The following KEL variants were observed in gnomAD, a reference collection of about 807,000 sequenced individuals.
KEL encodes Kell metallo-endopeptidase (Kell blood group).
KEL carries 96 observed loss-of-function variants against 99.5 expected under a neutral mutation model. The observed-to-expected ratio is 0.97, with a 90% CI of 0.82 to 1.14. The LOEUF is 1.14. Ranked by LOEUF, KEL falls within the 50% of genes most tolerant of loss-of-function variation. The probability of loss-of-function intolerance (pLI) is 0.00; values close to 1 mark genes in which losing one functional copy is unlikely to be tolerated. For synonymous variants in KEL, 355 were observed against 354.8 expected, an observed-to-expected ratio of 1.00 and a Z score of -0.01; for missense variants, 926 against 924.2, an observed-to-expected ratio of 1.00 and a Z score of -0.03.
intron 6 of KEL, among the ~76,000 whole-genome samples, chr7:142,955,996 C>G (rs553115950): frequency 2.1e-4 from 32 of 152,208 alleles, no homozygotes; most frequent in African/African-American, 7.2e-4. Flanking sequence ...GTCTAGCTCC[C>G]ATCTCTCCAA....
At chr7:142,959,966 A>C (rs1796914745) in intron 4 of KEL, among the ~76,000 whole-genome samples, 1 of 152,114 alleles carries the variant, frequency 6.6e-6, no homozygotes, top group South Asian at 2.1e-4. Context: ...GTTCCCTTGC[A>C]CTGGAAATGC....
intron 4 of KEL, among the ~76,000 whole-genome samples, chr7:142,960,504 G>A (rs1796929958): frequency 6.6e-6 from 1 of 152,222 alleles, no homozygotes; most frequent in African/African-American, 2.4e-5. Flanking sequence ...AGGAGATGCT[G>A]AAGAGATGCT....
At chr7:142,948,774 G>A (rs1796598362) in intron 10 of KEL, among the ~76,000 whole-genome samples, 1 of 152,138 alleles carries the variant, frequency 6.6e-6, no homozygotes, top group South Asian at 2.1e-4. Flanking sequence ...GAACAGCAGT[G>A]CAACATCAGA....
In KEL at chr7:142,958,078, G is replaced by A. The variant is rs144688279; in HGVS notation, c.526-105C>T. 292 of 1,430,632 alleles carry A rather than the reference G, an allele frequency of 2.0e-4. 2 individuals carry two copies. In the African/African-American group the frequency reaches 3.4e-3, roughly 17 times the overall value. The allele number at this position is 1,430,632 out of a possible 1,614,324, so 88.6% of individuals were successfully genotyped here. A position where few individuals can be genotyped will look rare whatever the true frequency, so the allele number is the denominator to read the frequency against. On this transcript the variant is annotated intron_variant, in intron 5 of 18. Coordinates refer to ENST00000355265, the MANE Select transcript of KEL (RefSeq NM_000420.3). The stretch of plus-strand genomic sequence containing the variant: ...TGCTACTGCCTGACCTCTGCCCTGC[G>A]CCCTTCGATTCCTCTAGGAAGCCAC...
intron 18 of KEL, 115 bp from the exon 19 acceptor site, chr7:142,941,528 C>A: frequency 2.1e-6 from 2 of 942,610 alleles, no homozygotes; most frequent in East Asian, 2.4e-5. Flanking sequence ...TCAAGTGCCC[C>A]AAGGGCCACA....
At chr7:142,952,363 T>G in intron 10 of KEL, 146 bp downstream of exon 10, 1 of 1,035,462 alleles carries the variant, frequency 9.7e-7, no homozygotes, top group South Asian at 1.3e-5. Flanking sequence ...TCTGTCCAAC[T>G]TGCCTGCTTC....
rs551168561 is a variant in KEL at position 142,961,204 on chromosome 7, G to C, written c.224-100C>G. 1.1e-4 allele frequency: 167 copies of C among 1,517,164 alleles called. 2 individuals carry two copies. In the South Asian group the frequency reaches 1.3e-3, roughly 11 times the overall value. 94.0% of individuals were successfully genotyped at this position (1,517,164 alleles called of 1,614,324 possible). A position where few individuals can be genotyped will look rare whatever the true frequency, so the allele number is the denominator to read the frequency against. On this transcript the variant is annotated intron_variant, in intron 3 of 18. Coordinates refer to ENST00000355265, the MANE Select transcript of KEL (RefSeq NM_000420.3). ...CATCAGGTGAGTAACTAAGTGGGGA[G>C]CTGATGAAAAAGAAATGGTTAGGAT... is the stretch of plus-strand genomic sequence containing the variant.
chr7:142,942,552 G>A (rs1322660217), intron 17 of KEL, 23 bp from the exon 18 acceptor site: 3 of 1,547,124 alleles, frequency 1.9e-6, no homozygotes, highest in Admixed American at 3.6e-5. Context: ...GGGTAGAGAA[G>A]GGCCATCAGG....
intron 18 of KEL, chr7:142,942,001 G>C (rs568554476): frequency 5.4e-6 from 1 of 183,974 alleles, no homozygotes; most frequent in African/African-American, 2.4e-5. Flanking sequence ...TAGAGACGGG[G>C]TTTCACCATA....
chr7:142,943,884 C>T lies in KEL; in HGVS notation c.1492-1G>A. 6.2e-7 allele frequency: 1 copy of T among 1,613,646 alleles called. No homozygotes were observed. Among genetic ancestry groups the T allele is most frequent in the Non-Finnish European group, 8.5e-7 (1 of 1,179,656 alleles). ...GCAGGAAGCTCGATCCAAGCTGTAT[C>T]TGGGGAAGAGGCAGGAGGTGACTTG... is the stretch of plus-strand genomic sequence containing the variant. On this transcript the variant is annotated splice_acceptor_variant, in intron 13 of 18. Transcript: ENST00000355265. LOFTEE classifies it high-confidence loss of function.
chr7:142,942,716 G>A (rs962913750), intron 17 of KEL, among the ~76,000 whole-genome samples, 159 bp downstream of exon 17: 3 of 152,226 alleles, frequency 2.0e-5, no homozygotes, highest in Non-Finnish European at 1.5e-5. Flanking sequence ...GATCTCTGGG[G>A]TAGGAGGGGG....
intron 6 of KEL, among the ~76,000 whole-genome samples, chr7:142,954,949 C>A (rs1033676152): frequency 6.6e-6 from 1 of 152,270 alleles, no homozygotes. Context: ...TCCATCTCAG[C>A]CAGCCATACC....
At chr7:142,949,784 A>C (rs149810320) in intron 10 of KEL, among the ~76,000 whole-genome samples, 1 of 152,372 alleles carries the variant, frequency 6.6e-6, no homozygotes, top group East Asian at 1.9e-4. Flanking sequence ...AAGCTGGAAG[A>C]CCTGAATAAA....
At chr7:142,946,067 C>T (rs1249874385) in intron 11 of KEL, 140 bp downstream of exon 11, 4 of 678,970 alleles carry the variant, frequency 5.9e-6, no homozygotes, top group Non-Finnish European at 1.1e-5. Flanking sequence ...CTTTGGGTTC[C>T]CTCTCTCAGT....
Position 142,962,213 on chromosome 7 carries a change from A to T in KEL, c.-7T>A. On this transcript the variant is annotated 5_prime_UTR_variant, in exon 1 of 19. Transcript: ENST00000355265. ...CCAAAAGGGGACTTACCATCTGTCTATCTTCTGTGGCTCCAGAATCCTTCC... is the reference window on the plus strand; with the variant it reads ...CCAAAAGGGGACTTACCATCTGTCTTTCTTCTGTGGCTCCAGAATCCTTCC... 1.2e-6 allele frequency: 2 copies of T among 1,613,958 alleles called. No individual in the cohort carries two copies. Among genetic ancestry groups the T allele is most frequent in the Non-Finnish European group, 1.7e-6 (2 of 1,179,972 alleles).
intron 14 of KEL, 86 bp from the exon 15 acceptor site, chr7:142,943,682 T>C (rs1193065388): frequency 2.1e-6 from 3 of 1,428,012 alleles, no homozygotes; most frequent in East Asian, 4.6e-5. Flanking sequence ...CCAACTACCA[T>C]TACTGTTCAT....
chr7:142,950,115 T>G (rs1407574291), intron 10 of KEL, among the ~76,000 whole-genome samples: 1 of 152,210 alleles, frequency 6.6e-6, no homozygotes, highest in Non-Finnish European at 1.5e-5. Flanking sequence ...ATGTCTTTGA[T>G]TCCATTCTCC....
At chr7:142,954,129 T>A in intron 8 of KEL, 55 bp downstream of exon 8, 1 of 1,533,038 alleles carries the variant, frequency 6.5e-7, no homozygotes, top group Non-Finnish European at 8.9e-7. Flanking sequence ...AAGGAGGTAA[T>A]GTTTGAGAGG....
chr7:142,952,853 A>T (rs1369266308), intron 9 of KEL, among the ~76,000 whole-genome samples: 1 of 152,234 alleles, frequency 6.6e-6, no homozygotes, highest in Admixed American at 6.5e-5. Flanking sequence ...CTAGATGAAG[A>T]GGCAGCCTTC....
Sources: gnomAD v4.1 joint callset for allele counts (sites outside exome capture counted in the v4.1 genomes callset) on GRCh38, gnomAD v4.1.1 for gene constraint, MANE v1.5 for transcripts, NCBI Gene and HGNC (gene_info 2026-07-23, HGNC 2026-07-21) for gene names.